AKR1C2: variants seen among roughly 807,000 people sequenced by gnomAD.
AKR1C2 encodes the protein aldo-keto reductase family 1 member C2.
In AKR1C2, 27 loss-of-function variants were observed where a neutral mutation model predicts 39.8. That is an observed-to-expected ratio of 0.68 (90% CI 0.50 to 0.93). AKR1C2 has a LOEUF of 0.93. Among genes scored for constraint, AKR1C2 ranks in the 40% least tolerant of loss-of-function variants. AKR1C2 has a pLI of 0.00. For synonymous variants in AKR1C2, 114 were observed against 137.9 expected, an observed-to-expected ratio of 0.83 and a Z score of 1.22; for missense variants, 263 against 365.1, an observed-to-expected ratio of 0.72 and a Z score of 2.28.
chr10:5,003,226 A>G (rs1837325214), intron 1 of AKR1C2, among the ~76,000 whole-genome samples: 1 of 149,460 alleles, frequency 6.7e-6, no homozygotes, highest in African/African-American at 2.5e-5. Context: ...TTTTCTTAAA[A>G]TGAGGATATT....
chr10:4,989,693 CTAAACG>C lies in AKR1C2; in HGVS notation c.*297_*302del. 2.3e-6 allele frequency: 1 copy of C among 427,650 alleles called. No individual in the cohort carries two copies. The highest frequency in any genetic ancestry group is 4.2e-6 in the Non-Finnish European group (1 of 238,788). The allele number at this position is 427,650 out of a possible 1,614,324, so 26.5% of individuals were successfully genotyped here. A position where few individuals can be genotyped will look rare whatever the true frequency, so the allele number is the denominator to read the frequency against. On this transcript the variant is annotated 3_prime_UTR_variant, in exon 9 of 9. Coordinates refer to ENST00000380753, the MANE Select transcript of AKR1C2 (RefSeq NM_001393392.1). ...TTGTTAACATCTTCCAACCCCGGCC[CTAAACG>C]TATAGGCAAATCACAATTTGGGGGC...
At chr10:5,008,228 T>C (rs1378223813), upstream of AKR1C2, among the ~76,000 whole-genome samples, 1 of 145,176 alleles carries the variant, frequency 6.9e-6, no homozygotes, top group Non-Finnish European at 1.5e-5. Context: ...ATATTAGTGC[T>C]CAACATTGCC....
At chr10:5,008,229 C>A (rs11252882), upstream of AKR1C2, among the ~76,000 whole-genome samples, 1 of 140,294 alleles carries the variant, frequency 7.1e-6, no homozygotes, top group East Asian at 2.0e-4. Context: ...TATTAGTGCT[C>A]AACATTGCCT....
At chr10:4,996,450 A>G (rs1202016003) in intron 5 of AKR1C2, among the ~76,000 whole-genome samples, 15 of 148,702 alleles carry the variant, frequency 1.0e-4, no homozygotes, top group East Asian at 1.0e-3. Flanking sequence ...CTCAAATGTC[A>G]CCAGTGGGTT....
In AKR1C2 at chr10:4,998,719, A is replaced by C. The variant is rs1554773446; in HGVS notation, c.476T>G (p.Leu159Trp). ...GTTGGACACCCCGATGGACTTGGCCAATCCTGCATCTTTACACTTCTCCAT... is the reference window on the plus strand; with the variant it reads ...GTTGGACACCCCGATGGACTTGGCCCATCCTGCATCTTTACACTTCTCCAT... ...EAMEKCKDAG[L>W]AKSIGVSNFN... Residue 159 changes from leucine to tryptophan, a missense_variant, in exon 5 of 9, where the codon TTG (leucine) becomes TGG (tryptophan). Around this residue, in one of 3 missense-constraint regions of AKR1C2, gnomAD observed 247 missense variants for 267.9 expected, o/e 0.92. Transcript: ENST00000380753. The C allele has an allele frequency of 6.2e-7, 1 of 1,614,056 alleles. No individual in the cohort carries two copies. Among genetic ancestry groups the C allele is most frequent in the Non-Finnish European group, 8.5e-7 (1 of 1,180,042 alleles).
At chr10:4,991,638 C>T (rs1483749349) in intron 8 of AKR1C2, among the ~76,000 whole-genome samples, 193 bp downstream of exon 8, 1 of 148,850 alleles carries the variant, frequency 6.7e-6, no homozygotes, top group Non-Finnish European at 1.5e-5. Context: ...TTGACCCATG[C>T]TGACCCCAGG....
At chr10:4,990,489 T>C (rs1411084029) in intron 8 of AKR1C2, among the ~76,000 whole-genome samples, 1 of 152,156 alleles carries the variant, frequency 6.6e-6, no homozygotes, top group Non-Finnish European at 1.5e-5. Flanking sequence ...TACTTTATTT[T>C]ATTACTTTAC....
chr10:5,005,631 C>T (rs1196926936), upstream of AKR1C2, among the ~76,000 whole-genome samples: 1 of 151,930 alleles, frequency 6.6e-6, no homozygotes, highest in Admixed American at 6.6e-5. Flanking sequence ...TGCAGTGAGC[C>T]GAGATGGCAC....
Position 5,001,652 on chromosome 10 carries a change from G to C in AKR1C2, c.114C>G (p.Val38=). 1 of 1,613,912 alleles carries C rather than the reference G, an allele frequency of 6.2e-7. No homozygotes were observed. Among genetic ancestry groups the C allele is most frequent in the South Asian group, 1.1e-5 (1 of 91,062 alleles). ...EVPKSKALEA[V]KLAIEAGFHH... ...GGAACCCGGCTTCTATTGCCAATTTGACGGCCTCTAGAGCTTTACTTTTAG... is the reference window on the plus strand; with the variant it reads ...GGAACCCGGCTTCTATTGCCAATTTCACGGCCTCTAGAGCTTTACTTTTAG... Residue 38 remains valine (V), a synonymous_variant, in exon 2 of 9, where the codon GTC becomes GTG. Coordinates refer to ENST00000380753, the MANE Select transcript of AKR1C2 (RefSeq NM_001393392.1).
upstream of AKR1C2, chr10:5,003,988 A>G (rs1415344807): frequency 3.4e-5 from 20 of 592,248 alleles, no homozygotes; most frequent in Non-Finnish European, 5.8e-5. Context: ...TGTGATAAAA[A>G]TTGCATCCAG....
At chr10:5,009,722 C>G (rs1415351249) in intron 1 of AKR1C2, among the ~76,000 whole-genome samples, 2 of 152,052 alleles carry the variant, frequency 1.3e-5, no homozygotes, top group South Asian at 2.1e-4. Context: ...CCATTCTGCC[C>G]TTATATAAAC....
At chr10:5,001,303 C>T (rs1837263225) in intron 2 of AKR1C2, among the ~76,000 whole-genome samples, 1 of 152,156 alleles carries the variant, frequency 6.6e-6, no homozygotes, top group East Asian at 1.9e-4. Context: ...AGAGTAAAGG[C>T]ACTTTGAAGG....
chr10:5,017,190 G>A (rs1168621280), intron 1 of AKR1C2, among the ~76,000 whole-genome samples: 1 of 152,172 alleles, frequency 6.6e-6, no homozygotes, highest in African/African-American at 2.4e-5. Flanking sequence ...CTTTACTCAT[G>A]CAAATTTCTG....
chr10:5,007,219 A>G (rs1201243268), upstream of AKR1C2, among the ~76,000 whole-genome samples: 17 of 143,834 alleles, frequency 1.2e-4, no homozygotes, highest in African/African-American at 3.8e-4. Flanking sequence ...ACGTGAAGTC[A>G]TATAGAGGTA....
chr10:5,002,295 A>G (rs1233879515), intron 1 of AKR1C2, among the ~76,000 whole-genome samples: 4 of 152,184 alleles, frequency 2.6e-5, no homozygotes, highest in African/African-American at 9.7e-5. Flanking sequence ...AGTTTACACA[A>G]ACAGTTACGT....
chr10:5,009,229 A>C (rs1837469394), intron 1 of AKR1C2, among the ~76,000 whole-genome samples: 2 of 152,218 alleles, frequency 1.3e-5, no homozygotes, highest in South Asian at 4.1e-4. Context: ...CACCTTGCTC[A>C]GTTTTTTCAG....
At chr10:5,005,306 G>C (rs1837377752), upstream of AKR1C2, among the ~76,000 whole-genome samples, 1 of 152,194 alleles carries the variant, frequency 6.6e-6, no homozygotes, top group Admixed American at 6.5e-5. Context: ...GCACATATAA[G>C]TTAATGACTG....
At position 4,989,037 on chromosome 10, in the gene AKR1C2, T is replaced by C. The variant is rs1466391017; in HGVS notation, c.*959A>G. On this transcript the variant is annotated 3_prime_UTR_variant, in exon 9 of 9. Transcript: ENST00000380753. ...CCATGCATAATGGCTTTGGGATATT[T>C]ATGTTTTATACTTGTAACTATGCCT... The C allele has an allele frequency of 6.6e-6, 1 of 152,250 alleles. No homozygotes were observed. Among genetic ancestry groups the C allele is most frequent in the Non-Finnish European group, 1.5e-5 (1 of 68,034 alleles). 9.4% of individuals were successfully genotyped at this position (152,250 alleles called of 1,614,324 possible).
At chr10:5,012,239 A>G (rs1262403145) in intron 1 of AKR1C2, among the ~76,000 whole-genome samples, 23 of 151,864 alleles carry the variant, frequency 1.5e-4, no homozygotes, top group Non-Finnish European at 1.9e-4. Flanking sequence ...ATTAAGGCTT[A>G]CTTGCTTCAA....
Sources: gnomAD v4.1 joint callset for allele counts (sites outside exome capture counted in the v4.1 genomes callset) on GRCh38, gnomAD v4.1.1 for gene constraint, gnomAD v4.1.1 regional missense constraint, MANE v1.5 for transcripts, NCBI Gene and HGNC (gene_info 2026-07-23, HGNC 2026-07-21) for gene names.